The following UBR1 variants were observed in gnomAD, a reference collection of about 807,000 sequenced individuals.
The protein encoded by UBR1 is ubiquitin protein ligase E3 component n-recognin 1, also known as E3 ubiquitin-protein ligase UBR1.
In UBR1, 102 loss-of-function variants were observed where a neutral mutation model predicts 242.1. That is an observed-to-expected ratio of 0.42 (90% CI 0.36 to 0.50). The LOEUF is 0.50. Ranked by LOEUF, UBR1 falls within the 20% of genes least tolerant of loss-of-function variation. The pLI, the probability that UBR1 is intolerant of heterozygous loss-of-function variation, is 0.01. For missense variants in UBR1, 1,772 were observed against 2,101.8 expected (o/e 0.84, Z 3.07); for synonymous variants, 675 against 684.8 (o/e 0.99, Z 0.22).
At chr15:43,079,317 GAATTA>G (rs2033946482) in intron 3 of UBR1, among the ~76,000 whole-genome samples, 1 of 151,724 alleles carries the variant, frequency 6.6e-6, no homozygotes, top group African/African-American at 2.4e-5. Context: ...AAAAATAATC[GAATTA>G]AATTAAAATG....
At chr15:42,952,963 A>T (rs868121236) in intron 44 of UBR1, among the ~76,000 whole-genome samples, 4 of 151,382 alleles carry the variant, frequency 2.6e-5, no homozygotes, top group Middle Eastern at 3.2e-3. Flanking sequence ...TTGCTCTGTC[A>T]CCCAGGCTGG....
intron 40 of UBR1, among the ~76,000 whole-genome samples, chr15:42,968,470 C>T (rs975641075): frequency 2.0e-5 from 3 of 151,674 alleles, no homozygotes; most frequent in Non-Finnish European, 4.4e-5. Context: ...AGCAATCCTC[C>T]TGCCTTGGCC....
intron 29 of UBR1, among the ~76,000 whole-genome samples, chr15:43,015,155 A>G (rs1027756557): frequency 4.6e-5 from 7 of 152,228 alleles, no homozygotes; most frequent in African/African-American, 1.7e-4. Flanking sequence ...CCAACAGCTC[A>G]TTGAGAACGG....
intron 1 of UBR1, 101 bp from the exon 2 acceptor site, chr15:43,086,341 A>G: frequency 7.0e-7 from 1 of 1,421,422 alleles, no homozygotes; most frequent in Non-Finnish European, 9.5e-7. Context: ...AAAGTAATTT[A>G]CAGTATATTT....
At chr15:42,950,860 A>G (rs2031822764) in intron 45 of UBR1, among the ~76,000 whole-genome samples, 1 of 152,222 alleles carries the variant, frequency 6.6e-6, no homozygotes, top group Non-Finnish European at 1.5e-5. Context: ...ACCACCCTGA[A>G]GGCACCTGGG....
chr15:43,068,669 G>A (rs2033785747), intron 5 of UBR1, among the ~76,000 whole-genome samples: 1 of 152,136 alleles, frequency 6.6e-6, no homozygotes, highest in African/African-American at 2.4e-5. Context: ...CACCCAGGCT[G>A]GAGTACGGTG....
intron 33 of UBR1, among the ~76,000 whole-genome samples, chr15:42,997,253 T>A (rs2045201291): frequency 6.6e-6 from 1 of 152,232 alleles, no homozygotes; most frequent in Admixed American, 6.5e-5. Flanking sequence ...AATCTGTCAC[T>A]GTCTCCCATG....
At chr15:42,966,108 G>C in intron 41 of UBR1, 45 bp downstream of exon 41, 3 of 1,613,748 alleles carry the variant, frequency 1.9e-6, no homozygotes, top group Non-Finnish European at 2.5e-6. Context: ...TAAGAACAAA[G>C]AAAATCTCCC....
intron 26 of UBR1, among the ~76,000 whole-genome samples, chr15:43,022,220 G>A (rs1307427225): frequency 6.6e-6 from 1 of 151,830 alleles, no homozygotes; most frequent in African/African-American, 2.4e-5. Flanking sequence ...ATCTTAATCA[G>A]GTAGCATTTA....
At chr15:43,047,109 T>C (rs1430974469) in intron 14 of UBR1, 52 bp downstream of exon 14, 7 of 1,602,840 alleles carry the variant, frequency 4.4e-6, no homozygotes, top group Non-Finnish European at 6.0e-6. Flanking sequence ...ATACTATTAA[T>C]AATTACTAAG....
At chr15:43,037,370 GA>G (rs1200709381) in intron 17 of UBR1, among the ~76,000 whole-genome samples, 6 of 142,798 alleles carry the variant, frequency 4.2e-5, no homozygotes, top group Middle Eastern at 3.6e-3. Context: ...AAAGAAAAAG[GA>G]AAAAAAAAAG....
chr15:43,073,140 G>A (rs978488373), intron 4 of UBR1, among the ~76,000 whole-genome samples: 4 of 151,866 alleles, frequency 2.6e-5, no homozygotes, highest in East Asian at 1.9e-4. Context: ...CAGCCTGGGC[G>A]ACTCTGTCTC....
intron 37 of UBR1, among the ~76,000 whole-genome samples, chr15:42,979,120 C>G (rs2032336163): frequency 6.6e-6 from 1 of 152,038 alleles, no homozygotes; most frequent in Admixed American, 6.5e-5. Flanking sequence ...GTCTCGATCT[C>G]TTGACCTCGT....
chr15:43,014,946 G>A (rs1040086492), intron 29 of UBR1, among the ~76,000 whole-genome samples: 8 of 144,318 alleles, frequency 5.5e-5, no homozygotes, highest in African/African-American at 1.6e-4. Context: ...GCCCCCGCCC[G>A]GCCAGCTGCC....
At chr15:43,078,056 G>C (rs1200647916) in intron 3 of UBR1, among the ~76,000 whole-genome samples, 2 of 152,190 alleles carry the variant, frequency 1.3e-5, no homozygotes, top group African/African-American at 4.8e-5. Context: ...GATAGCAAGA[G>C]AAGGGAGCTT....
In UBR1 at chr15:42,988,264, AAT is replaced by A. The variant is rs199811784; in HGVS notation, c.3997+553_3997+554del. ...GTTCCTTTAATATAGATACTAAAGG[AAT>A]ATATGTGTGTGTGTGTGTGTGTGTG... On this transcript the variant is annotated intron_variant, in intron 35 of 46. Coordinates refer to ENST00000290650, the MANE Select transcript of UBR1 (RefSeq NM_174916.3). Among the ~76,000 whole-genome samples the A allele has an allele frequency of 7.2e-3, 831 of 115,542 alleles. 14 individuals carry two copies. Among genetic ancestry groups the A allele is most frequent in the African/African-American group, 0.02 (780 of 39,536 alleles). The allele number at this position is 115,542 out of a possible 152,430, so 75.8% of individuals were successfully genotyped here.
At chr15:42,946,008 T>C (rs554939286) in intron 46 of UBR1, among the ~76,000 whole-genome samples, 1 of 152,368 alleles carries the variant, frequency 6.6e-6, no homozygotes, top group Admixed American at 6.5e-5. Context: ...TTTTTAACAC[T>C]GTATAACAGC....
At chr15:43,000,898 G>A (rs2032712773) in intron 32 of UBR1, among the ~76,000 whole-genome samples, 2 of 151,912 alleles carry the variant, frequency 1.3e-5, no homozygotes, top group Non-Finnish European at 2.9e-5. Context: ...CAATGGTATG[G>A]TCTCGGCTCA....
At position 42,987,684 on chromosome 15, in the gene UBR1, G is replaced by A. The variant is rs574654275; in HGVS notation, c.3997+1135C>T. Among the ~76,000 whole-genome samples, 363 of 119,188 alleles carry A rather than the reference G, an allele frequency of 3.0e-3. 3 individuals are homozygous for A. Among genetic ancestry groups the A allele is most frequent in the African/African-American group, 0.011 (354 of 31,750 alleles). The allele number at this position is 119,188 out of a possible 152,430, so 78.2% of individuals were successfully genotyped here. ...GCCGAGATTGTGCCACTGCACTCCA[G>A]TCTGCCAATAGAGCGAGACTCTGTC... On this transcript the variant is annotated intron_variant, in intron 35 of 46. Coordinates refer to ENST00000290650, the MANE Select transcript of UBR1 (RefSeq NM_174916.3).
Sources: gnomAD v4.1 joint callset for allele counts (sites outside exome capture counted in the v4.1 genomes callset) on GRCh38, gnomAD v4.1.1 for gene constraint, MANE v1.5 for transcripts, NCBI Gene and HGNC (gene_info 2026-07-23, HGNC 2026-07-21) for gene names.